The following STX8 variants were observed in gnomAD, a reference collection of about 807,000 sequenced individuals.
The protein encoded by STX8 is syntaxin 8, also known as syntaxin-8.
In STX8, 23 loss-of-function variants were observed where a neutral mutation model predicts 37.5. That is an observed-to-expected ratio of 0.61 (90% CI 0.44 to 0.87). The LOEUF (loss-of-function observed/expected upper bound fraction) is 0.87. STX8 is among the 40% of genes least tolerant of loss of function. The probability of loss-of-function intolerance (pLI) is 0.00; values close to 1 mark genes in which losing one functional copy is unlikely to be tolerated. For missense variants in STX8, 313 were observed against 284.7 expected (o/e 1.10, Z -0.71); for synonymous variants, 115 against 99.1 (o/e 1.16, Z -0.95).
At chr17:9,443,423 T>C (rs904513023) in intron 6 of STX8, among the ~76,000 whole-genome samples, 1 of 152,162 alleles carries the variant, frequency 6.6e-6, no homozygotes, top group Non-Finnish European at 1.5e-5. Context: ...GAAATTTAAA[T>C]TAAGCAATGT....
intron 6 of STX8, among the ~76,000 whole-genome samples, chr17:9,439,161 C>T (rs1904550780): frequency 6.6e-6 from 1 of 152,084 alleles, no homozygotes; most frequent in African/African-American, 2.4e-5. Flanking sequence ...GATCCTAGCT[C>T]TATACTCTGG....
At chr17:9,395,575 C>CAAACA (rs752990276) in intron 6 of STX8, among the ~76,000 whole-genome samples, 4 of 152,304 alleles carry the variant, frequency 2.6e-5, no homozygotes, top group Admixed American at 6.5e-5. Flanking sequence ...AAGACTGTCT[C>CAAACA]AAACAAAACA....
At chr17:9,360,663 TAA>T (rs59129684) in intron 7 of STX8, among the ~76,000 whole-genome samples, 18 of 133,400 alleles carry the variant, frequency 1.3e-4, no homozygotes, top group Non-Finnish European at 2.1e-4. Flanking sequence ...TTATTAGTGT[TAA>T]AAAAAAAAAA....
rs1400093454 is a variant in STX8 at position 9,507,529 on chromosome 17, G to A, written c.324-2367C>T. ...CAGGCATTCCCCACAGGAGAGCTGA[G>A]CAGCAGTGTGCCCATGTCCCAAACC... On this transcript the variant is annotated intron_variant, in intron 4 of 7. Transcript: ENST00000306357. This position sits in a 1 kb window ranked among gnomAD's most constrained non-coding sequence, Gnocchi z 4.0. 6.6e-6 allele frequency among the ~76,000 whole-genome samples: 1 copy of A among 152,160 alleles called. No homozygotes were observed. Among genetic ancestry groups the A allele is most frequent in the Non-Finnish European group, 1.5e-5 (1 of 68,038 alleles).
At chr17:9,492,079 C>T (rs1428561616) in intron 5 of STX8, among the ~76,000 whole-genome samples, 158 bp from the exon 6 acceptor site, 1 of 151,998 alleles carries the variant, frequency 6.6e-6, no homozygotes, top group Non-Finnish European at 1.5e-5. Flanking sequence ...AAAAACTAAA[C>T]ACCTACCTGA....
In STX8 at chr17:9,285,168, C is replaced by T. The variant is rs540412310; in HGVS notation, c.644-34523G>A. 5.3e-5 allele frequency among the ~76,000 whole-genome samples: 8 copies of T among 152,110 alleles called. No homozygotes were observed. In the South Asian group the frequency reaches 1.2e-3, roughly 24 times the overall value. On this transcript the variant is annotated intron_variant, in intron 7 of 7. Coordinates refer to ENST00000306357, the MANE Select transcript of STX8 (RefSeq NM_004853.3). ...ACTATGGATAATAACAATTTGCCCA[C>T]GAATCACAGGTTGTGGGTAGGGCTT...
chr17:9,560,730 A>C (rs1907199425), intron 2 of STX8, among the ~76,000 whole-genome samples: 1 of 145,330 alleles, frequency 6.9e-6, no homozygotes, highest in Non-Finnish European at 1.5e-5. Context: ...GTGATAATTA[A>C]GGCACAGCAC....
intron 6 of STX8, chr17:9,469,348 CATCTCT>C (rs761865812): frequency 4.7e-5 from 6 of 127,114 alleles, no homozygotes; most frequent in Non-Finnish European, 8.3e-5. Context: ...CAGTCTGTTT[CATCTCT>C]CTCTCTCATA....
At chr17:9,408,842 G>A (rs1025566665) in intron 6 of STX8, among the ~76,000 whole-genome samples, 2 of 152,054 alleles carry the variant, frequency 1.3e-5, no homozygotes, top group African/African-American at 4.8e-5. Flanking sequence ...AAAAGTCTAC[G>A]TGAGGGTCCT....
intron 7 of STX8, among the ~76,000 whole-genome samples, chr17:9,272,566 G>T (rs1907504570): frequency 6.6e-6 from 1 of 152,228 alleles, no homozygotes; most frequent in Admixed American, 6.5e-5. Context: ...GCTAGCCACA[G>T]CTGTCTGCCA....
At chr17:9,412,376 T>C (rs1330366931) in intron 6 of STX8, among the ~76,000 whole-genome samples, 2 of 151,782 alleles carry the variant, frequency 1.3e-5, no homozygotes, top group African/African-American at 2.4e-5. Flanking sequence ...GTCTCCCAGG[T>C]TCAGGTGATT....
chr17:9,329,633 T>A (rs960282569), intron 7 of STX8, among the ~76,000 whole-genome samples: 2 of 152,068 alleles, frequency 1.3e-5, no homozygotes, highest in Admixed American at 6.6e-5. Context: ...CGGTGCCAAA[T>A]GGGGGAGGAT....
chr17:9,350,753 G>A (rs755065269), intron 7 of STX8, among the ~76,000 whole-genome samples: 4 of 152,118 alleles, frequency 2.6e-5, no homozygotes, highest in African/African-American at 4.8e-5. Context: ...GGCTGGTCTC[G>A]AATGCCTGAC....
intron 4 of STX8, among the ~76,000 whole-genome samples, chr17:9,529,920 C>T (rs1905744978): frequency 6.6e-6 from 1 of 152,234 alleles, no homozygotes; most frequent in Admixed American, 6.5e-5. Flanking sequence ...CTTGAGGTTA[C>T]AGTGTACTAT....
chr17:9,490,406 C>G (rs1011023566), intron 6 of STX8, among the ~76,000 whole-genome samples: 3 of 152,042 alleles, frequency 2.0e-5, no homozygotes, highest in Admixed American at 2.0e-4. Flanking sequence ...GAGACTTGCT[C>G]TGTCGCCCAG....
At chr17:9,300,999 A>T (rs1908759120) in intron 7 of STX8, among the ~76,000 whole-genome samples, 1 of 151,378 alleles carries the variant, frequency 6.6e-6, no homozygotes, top group Admixed American at 6.6e-5. Context: ...CGCCCGGCTA[A>T]TTTTTTGTAT....
chr17:9,287,690 T>C (rs1908129366), intron 7 of STX8, among the ~76,000 whole-genome samples: 1 of 152,180 alleles, frequency 6.6e-6, no homozygotes, highest in African/African-American at 2.4e-5. Context: ...ATAATGCTTC[T>C]GTGAAATCTG....
chr17:9,305,738 C>CTTTTTTTTTTTT (rs751052478), intron 7 of STX8: 2 of 84,360 alleles, frequency 2.4e-5, no homozygotes, highest in African/African-American at 1.1e-4. Context: ...ACAGGTGCAT[C>CTTTTTTTTTTTT]TTTTTTTTTT....
chr17:9,289,193 CA>C (rs1908213914), intron 7 of STX8, among the ~76,000 whole-genome samples: 1 of 152,116 alleles, frequency 6.6e-6, no homozygotes, highest in African/African-American at 2.4e-5. Context: ...CAATCAACAA[CA>C]AGGGAGATAA....
Sources: gnomAD v4.1 joint callset for allele counts (sites outside exome capture counted in the v4.1 genomes callset) on GRCh38, gnomAD v4.1.1 for gene constraint, Gnocchi (gnomAD v3.1) non-coding constraint, MANE v1.5 for transcripts, NCBI Gene and HGNC (gene_info 2026-07-23, HGNC 2026-07-21) for gene names.